Variants in TACC2 observed in about 807,000 individuals in gnomAD.
The protein encoded by TACC2 is transforming acidic coiled-coil containing protein 2.
Under a neutral mutation model 227.3 loss-of-function variants are expected in TACC2, and 137 were observed. The observed-to-expected ratio is 0.60, with a 90% confidence interval of 0.52 to 0.69. The LOEUF (loss-of-function observed/expected upper bound fraction) is 0.69, where lower values mean the gene tolerates loss of function less well. Ranked by LOEUF, TACC2 falls within the 30% of genes least tolerant of loss-of-function variation. The pLI is 0.00. For missense variants in TACC2, 3,470 were observed against 3,694.4 expected, an observed-to-expected ratio of 0.94 and a Z score of 1.57; for synonymous variants, 1,523 against 1,487.5, an observed-to-expected ratio of 1.02 and a Z score of -0.55.
At chr10:122,213,759 C>T (rs746123012) in intron 9 of TACC2, among the ~76,000 whole-genome samples, 8 of 152,188 alleles carry the variant, frequency 5.3e-5, no homozygotes, top group Non-Finnish European at 7.3e-5. Context: ...TGTGGCTTCA[C>T]GTTAAAATAA....
chr10:122,192,193 A>AGATC, intron 7 of TACC2, among the ~76,000 whole-genome samples: 1 of 152,186 alleles, frequency 6.6e-6, no homozygotes, highest in South Asian at 2.1e-4. Flanking sequence ...TTTGATGCAG[A>AGATC]GATCGTTCAT....
rs964941434 is a variant in TACC2 at position 122,050,639 on chromosome 10, G to A, written c.146+89G>A. 3 of 1,040,260 alleles carry A rather than the reference G, an allele frequency of 2.9e-6. No homozygotes were observed. 64.4% of individuals were successfully genotyped at this position (1,040,260 alleles called of 1,614,324 possible). A position where few individuals can be genotyped will look rare whatever the true frequency, so the allele number is the denominator to read the frequency against. ...GCATTAGCTTTGCCCCATTTGCTTT[G>A]GAAACTGGACCCTTAGACACATGGT... On this transcript the variant is annotated intron_variant, in intron 3 of 22. Transcript: ENST00000369005. This position sits in a 1 kb window ranked among gnomAD's most constrained non-coding sequence, Gnocchi z 4.6.
chr10:122,172,020 G>C (rs2093497931), intron 7 of TACC2, among the ~76,000 whole-genome samples: 1 of 152,170 alleles, frequency 6.6e-6, no homozygotes, highest in Non-Finnish European at 1.5e-5. Context: ...AGAGAAAGCT[G>C]ACCCCTCCTG....
rs767823235 is a variant in TACC2 at position 122,237,414 on chromosome 10, C to G, written c.8147C>G (p.Thr2716Arg). 1.2e-6 allele frequency: 2 copies of G among 1,613,426 alleles called. No homozygotes were observed. The highest frequency in any genetic ancestry group is 1.7e-6 in the Non-Finnish European group (2 of 1,179,666). Reference sequence around the variant, plus strand: ...CCACAGAGAGAGGCTGCTCACCCAACAGACGTCTCCATCTCCAAAACAGCC... The same window carrying G: ...CCACAGAGAGAGGCTGCTCACCCAAGAGACGTCTCCATCTCCAAAACAGCC... ...QDAKREAAHP[T>R]DVSISKTALY... Residue 2716 changes from threonine (T) to arginine (R), a missense_variant, in exon 17 of 23, where the codon ACA becomes AGA. Transcript: ENST00000369005.
chr10:122,169,815 A>G (rs1565492005), intron 7 of TACC2, among the ~76,000 whole-genome samples: 1 of 152,152 alleles, frequency 6.6e-6, no homozygotes, highest in Non-Finnish European at 1.5e-5. Flanking sequence ...CAGTGGCACA[A>G]TCATGGCTCA....
Position 122,205,647 on chromosome 10 carries a change from C to T in TACC2, c.5972-4750C>T, listed in dbSNP as rs2095077760. ...TCCCGATGAGGAGGCGCACCTGTGG[C>T]ACCTGTTACGATGGGGGCCCTGAGC... On this transcript the variant is annotated intron_variant, in intron 8 of 22. Coordinates refer to ENST00000369005, the MANE Select transcript of TACC2 (RefSeq NM_206862.4). This position sits in a 1 kb window ranked among gnomAD's most constrained non-coding sequence, Gnocchi z 4.5. Among the ~76,000 whole-genome samples the T allele has an allele frequency of 6.6e-6, 1 of 152,220 alleles. No individual in the cohort carries two copies.
chr10:122,224,609 A>T (rs186709158), intron 11 of TACC2, 117 bp from the exon 12 acceptor site: 2 of 826,602 alleles, frequency 2.4e-6, no homozygotes, highest in African/African-American at 3.4e-5. Context: ...ACCGTCAGAA[A>T]GCCCAGAGCC....
chr10:122,052,847 C>G lies in TACC2; in HGVS notation c.146+2297C>G, dbSNP rs908739134. On this transcript the variant is annotated intron_variant, in intron 3 of 22. Coordinates refer to ENST00000369005, the MANE Select transcript of TACC2 (RefSeq NM_206862.4). ...ATCTATCGAGAAGGAACAGGCCCTC[C>G]TACTCTGCAAGGGCTGACAGTGAGT... is the stretch of plus-strand genomic sequence containing the variant. 2.6e-5 allele frequency: 4 copies of G among 152,354 alleles called. No homozygotes were observed. In the Middle Eastern group the frequency reaches 0.01, roughly 391 times the overall value. 9.4% of individuals were successfully genotyped at this position (152,354 alleles called of 1,614,324 possible). A position where few individuals can be genotyped will look rare whatever the true frequency, so the allele number is the denominator to read the frequency against.
chr10:122,016,539 C>A (rs557250918), intron 1 of TACC2, among the ~76,000 whole-genome samples: 16 of 150,026 alleles, frequency 1.1e-4, no homozygotes, highest in Admixed American at 4.7e-4. Flanking sequence ...TGTACTCCAG[C>A]CTGGACGACA....
At chr10:122,166,683 T>G (rs1321768130) in intron 7 of TACC2, among the ~76,000 whole-genome samples, 1 of 152,220 alleles carries the variant, frequency 6.6e-6, no homozygotes, top group Non-Finnish European at 1.5e-5. Flanking sequence ...CCAGGTGATT[T>G]GTAGGCATCT....
At chr10:122,231,697 TG>T (rs1301216416) in intron 16 of TACC2, among the ~76,000 whole-genome samples, 1 of 152,234 alleles carries the variant, frequency 6.6e-6, no homozygotes, top group Non-Finnish European at 1.5e-5. Context: ...GGCCCCTCGC[TG>T]GGTGTGGTGG....
In TACC2 at chr10:122,250,837, C is replaced by T. The variant is rs112091387; in HGVS notation, c.8781+1173C>T. Reference sequence around the variant, plus strand: ...CCATATCTGATACTCACCCAGTCTCCACTAGGCCCTGTGCCCTATTGGATG... The same window carrying T: ...CCATATCTGATACTCACCCAGTCTCTACTAGGCCCTGTGCCCTATTGGATG... On this transcript the variant is annotated intron_variant, in intron 22 of 22. Coordinates refer to ENST00000369005, the MANE Select transcript of TACC2 (RefSeq NM_206862.4). 4.9e-3 allele frequency among the ~76,000 whole-genome samples: 741 copies of T among 152,114 alleles called. 5 individuals carry two copies. The highest frequency in any genetic ancestry group is 0.017 in the African/African-American group (687 of 41,478).
At chr10:122,072,680 G>A (rs541610204) in intron 3 of TACC2, among the ~76,000 whole-genome samples, 2 of 152,338 alleles carry the variant, frequency 1.3e-5, no homozygotes, top group East Asian at 3.9e-4. Context: ...CTCCCACGGT[G>A]CAGGTGTCAA....
At chr10:122,188,800 C>G (rs768125342) in intron 7 of TACC2, among the ~76,000 whole-genome samples, 2 of 152,190 alleles carry the variant, frequency 1.3e-5, no homozygotes, top group Non-Finnish European at 2.9e-5. Context: ...GTGATAGCTA[C>G]TTGATTCTGA....
chr10:122,001,586 T>A (rs1405513460), intron 1 of TACC2, among the ~76,000 whole-genome samples: 1 of 152,240 alleles, frequency 6.6e-6, no homozygotes, highest in Non-Finnish European at 1.5e-5. Context: ...TGTAAGTGTA[T>A]AACCACAGTA....
At chr10:122,132,021 A>G (rs1418950860) in intron 5 of TACC2, among the ~76,000 whole-genome samples, 1 of 120,354 alleles carries the variant, frequency 8.3e-6, no homozygotes, top group African/African-American at 3.4e-5. Context: ...GACAGTCTCA[A>G]AAAAGAAAGA....
At chr10:122,009,060 C>G (rs1955608123) in intron 1 of TACC2, among the ~76,000 whole-genome samples, 1 of 152,190 alleles carries the variant, frequency 6.6e-6, no homozygotes, top group African/African-American at 2.4e-5. Context: ...TTCTAGGGAA[C>G]TGGGTCTACC....
chr10:122,132,271 C>T (rs1173807509), intron 5 of TACC2, among the ~76,000 whole-genome samples: 1 of 152,140 alleles, frequency 6.6e-6, no homozygotes, highest in Admixed American at 6.5e-5. Context: ...GGAGGCCAGG[C>T]ACGGCGGCTC....
In TACC2 at chr10:122,083,799, T is replaced by A. The variant is rs1440613961; in HGVS notation, c.1299T>A (p.Ala433=). 2.5e-6 allele frequency: 4 copies of A among 1,614,050 alleles called. No homozygotes were observed. The African/African-American group carries it at 4.0e-5, about 16-fold the overall frequency. ...ASFPAAQIPI[A]VEEPGSSSRE... ...TCCCAGCTGCTCAGATTCCTATTGC[T>A]GTAGAAGAACCTGGATCATCATCCA... Residue 433 remains alanine, a synonymous_variant, in exon 4 of 23, where the codon GCT becomes GCA. Coordinates refer to ENST00000369005, the MANE Select transcript of TACC2 (RefSeq NM_206862.4).
Sources: allele counts gnomAD v4.1 joint callset (sites outside exome capture counted in the v4.1 genomes callset), GRCh38; gene constraint gnomAD v4.1.1; non-coding constraint Gnocchi (gnomAD v3.1); transcripts MANE v1.5; gene names NCBI Gene and HGNC (gene_info 2026-07-23, HGNC 2026-07-21).